Variants in MGA observed in about 807,000 individuals in gnomAD.
MGA encodes MAX gene-associated protein.
Under a neutral mutation model 261.1 loss-of-function variants are expected in MGA, and 40 were observed. The observed-to-expected ratio is 0.15, with a 90% confidence interval of 0.12 to 0.20. The LOEUF (loss-of-function observed/expected upper bound fraction) is 0.20, where lower values mean the gene tolerates loss of function less well. Ranked by LOEUF, MGA falls within the 10% of genes least tolerant of loss-of-function variation. The probability of loss-of-function intolerance (pLI) is 1.00; values close to 1 mark genes in which losing one functional copy is unlikely to be tolerated. For synonymous variants in MGA, 1,302 were observed against 1,290.6 expected (o/e 1.01, Z -0.19); for missense variants, 3,397 against 3,630.5 (o/e 0.94, Z 1.65).
intron 1 of MGA, among the ~76,000 whole-genome samples, chr15:41,644,978 C>T (rs937264643): frequency 3.9e-5 from 6 of 152,080 alleles, no homozygotes; most frequent in Admixed American, 6.6e-5. Context: ...CAAATTTCCA[C>T]AAATTTTGTA....
At position 41,632,852 on chromosome 15, in the gene MGA, TAAC is replaced by T. The variant is rs553638563; in HGVS notation, c.-68+11556_-68+11558del. Among the ~76,000 whole-genome samples the T allele has an allele frequency of 3.6e-3, 549 of 150,942 alleles. 3 individuals are homozygous for T. The highest frequency in any genetic ancestry group is 0.013 in the African/African-American group (528 of 41,196). The stretch of plus-strand genomic sequence containing the variant: ...ATGGGCAGAGAGCCCATTTGCTAGA[TAAC>T]AGCACAAAAGCAGCCACAGACAATA... On this transcript the variant is annotated intron_variant, in intron 1 of 8. Coordinates refer to the MGA transcript ENST00000566718.
At position 41,749,554 on chromosome 15, in the gene MGA, T is replaced by G; in HGVS notation, c.5947T>G (p.Ser1983Ala). 6.2e-7 allele frequency: 1 copy of G among 1,613,682 alleles called. No homozygotes were observed. Among genetic ancestry groups the G allele is most frequent in the Non-Finnish European group, 8.5e-7 (1 of 1,179,846 alleles). ...TCCAGACCAGAAAGATGAAACAAAC[T>G]CAATAAAAAGAGAGCAAGAAACGAA... The change falls in exon 17 of 24, where the codon TCA (serine) becomes GCA (alanine). Residue 1983 changes from serine (S) to alanine (A), a missense_variant. Ser to Ala is a moderately conservative substitution (Grantham distance 99). Around this residue, in one of 9 missense-constraint regions of MGA, gnomAD observed 1,410 missense variants for 1,386.4 expected, o/e 1.02. Coordinates refer to ENST00000219905, the MANE Select transcript of MGA (RefSeq NM_001164273.2).
chr15:41,695,547 A>G (rs1411016002), intron 2 of MGA, among the ~76,000 whole-genome samples: 1 of 152,156 alleles, frequency 6.6e-6, no homozygotes, highest in East Asian at 1.9e-4. Flanking sequence ...CTTTCAATGG[A>G]TGATTGGGAG....
chr15:41,715,563 G>T (rs1240560062), intron 9 of MGA, among the ~76,000 whole-genome samples: 1 of 152,042 alleles, frequency 6.6e-6, no homozygotes, highest in Non-Finnish European at 1.5e-5. Flanking sequence ...GGGATTTGTA[G>T]TAGGGAATCA....
chr15:41,631,275 G>C (rs1013984596), intron 1 of MGA, among the ~76,000 whole-genome samples: 1 of 152,046 alleles, frequency 6.6e-6, no homozygotes, highest in Non-Finnish European at 1.5e-5. Flanking sequence ...AACGTTTCTA[G>C]TTTCAATAAG....
chr15:41,644,346 C>CAAA (rs34743222), intron 1 of MGA, among the ~76,000 whole-genome samples: 107 of 65,452 alleles, frequency 1.6e-3, no homozygotes, highest in African/African-American at 1.7e-3. Flanking sequence ...CCATCTGTAC[C>CAAA]AAAAAAAAAA....
chr15:41,742,278 C>T (rs1253475191), intron 14 of MGA, among the ~76,000 whole-genome samples: 1 of 151,784 alleles, frequency 6.6e-6, no homozygotes, highest in Non-Finnish European at 1.5e-5. Context: ...ATCCCAGCTA[C>T]TCGGGAAGGC....
chr15:41,756,407 T>C (rs943426855), intron 18 of MGA, among the ~76,000 whole-genome samples: 1 of 152,204 alleles, frequency 6.6e-6, no homozygotes, highest in African/African-American at 2.4e-5. Context: ...AGTGGAGATT[T>C]CTGGTGGTAC....
chr15:41,762,073 G>A (rs1478412009), intron 21 of MGA, 56 bp from the exon 22 acceptor site: 1 of 1,386,038 alleles, frequency 7.2e-7, no homozygotes, highest in Non-Finnish European at 1.0e-6. Context: ...TGTTGACTCT[G>A]TTTCTCATTA....
chr15:41,627,179 A>G (rs1293753435), intron 1 of MGA, among the ~76,000 whole-genome samples: 1 of 152,232 alleles, frequency 6.6e-6, no homozygotes, highest in African/African-American at 2.4e-5. Context: ...TTGGGATTAC[A>G]GGTGTGAGCC....
At chr15:41,686,248 C>T (rs1193291141) in intron 2 of MGA, among the ~76,000 whole-genome samples, 3 of 152,152 alleles carry the variant, frequency 2.0e-5, no homozygotes, top group African/African-American at 7.2e-5. Flanking sequence ...TGTGGTGGCT[C>T]ACGCCTTTAA....
At chr15:41,661,856 G>T (rs2057423120) in intron 1 of MGA, among the ~76,000 whole-genome samples, 1 of 152,154 alleles carries the variant, frequency 6.6e-6, no homozygotes, top group African/African-American at 2.4e-5. Context: ...TGGTTCTGTA[G>T]TCTCCAAGGT....
chr15:41,637,941 C>T (rs1252660990), intron 1 of MGA, among the ~76,000 whole-genome samples: 1 of 145,286 alleles, frequency 6.9e-6, no homozygotes, highest in African/African-American at 2.5e-5. Flanking sequence ...GACGGGGTTT[C>T]GTTGGCCAGG....
chr15:41,656,390 G>A (rs533520812), upstream of MGA, among the ~76,000 whole-genome samples: 3 of 54,572 alleles, frequency 5.5e-5, no homozygotes, highest in East Asian at 9.3e-4. Flanking sequence ...CACCCAGGCT[G>A]GAGTGCAGTG....
chr15:41,713,302 G>A lies in MGA; in HGVS notation c.3236G>A (p.Gly1079Asp). ...TGCCGCCGACCAGACTGCATGTTTG[G>A]TTGTACTTGTTTGAAAAGAAAAGTT... The change falls in exon 9 of 24, where the codon GGT becomes GAT. Residue 1079 changes from glycine (G) to aspartate (D), a missense_variant. This residue lies in a region of MGA where 519 missense variants were observed against 554.1 expected (regional missense o/e 0.94). Transcript: ENST00000219905. The A allele has an allele frequency of 6.2e-7, 1 of 1,613,958 alleles. No individual in the cohort carries two copies. The highest frequency in any genetic ancestry group is 8.5e-7 in the Non-Finnish European group (1 of 1,179,884).
At position 41,766,807 on chromosome 15, in the gene MGA, T is replaced by G. The variant is rs368754743; in HGVS notation, c.8725T>G (p.Phe2909Val). 5 of 1,613,892 alleles carry G rather than the reference T, an allele frequency of 3.1e-6. No individual in the cohort carries two copies. Among genetic ancestry groups the G allele is most frequent in the Non-Finnish European group, 4.2e-6 (5 of 1,179,894 alleles). ...CCTCTTGCACTTGGAAGACGATGAC[T>G]TTTCTGAGAATGAAAAACAACTTGC... Residue 2909 changes from phenylalanine to valine, a missense_variant, in exon 24 of 24, where the codon TTT (phenylalanine) becomes GTT (valine). Transcript: ENST00000219905.
upstream of MGA, among the ~76,000 whole-genome samples, chr15:41,657,124 T>C (rs970899352): frequency 6.6e-6 from 1 of 152,066 alleles, no homozygotes; most frequent in African/African-American, 2.4e-5. Context: ...ATTAGCTCCT[T>C]GAAGGCAGAT....
intron 2 of MGA, among the ~76,000 whole-genome samples, chr15:41,687,936 G>C (rs1354010957): frequency 1.3e-5 from 2 of 151,920 alleles, no homozygotes; most frequent in African/African-American, 4.8e-5. Context: ...GGATTTGTCT[G>C]TTTCTCTTTT....
rs771285095 is a variant in MGA, at chr15:41,710,749, T to C, written c.2484T>C (p.Asp828=). 6.2e-7 allele frequency: 1 copy of C among 1,613,878 alleles called. No individual in the cohort carries two copies. Among genetic ancestry groups the C allele is most frequent in the Admixed American group, 1.7e-5 (1 of 59,992 alleles). Residue 828 remains aspartate, a synonymous_variant, in exon 8 of 24, where the codon GAT becomes GAC. Transcript: ENST00000219905. ...CTGCTTTCTGTAGTGATAAGCTAGA[T>C]GAATACTTGGAAAATGAAGGCAAGC...
Sources: gnomAD v4.1 joint callset for allele counts (sites outside exome capture counted in the v4.1 genomes callset) on GRCh38, gnomAD v4.1.1 for gene constraint, gnomAD v4.1.1 regional missense constraint, MANE v1.5 for transcripts, NCBI Gene and HGNC (gene_info 2026-07-23, HGNC 2026-07-21) for gene names.